The following PDE4D variants were observed in gnomAD, a reference collection of about 807,000 sequenced individuals.
PDE4D encodes phosphodiesterase 4D.
In PDE4D, 24 loss-of-function variants were observed where a neutral mutation model predicts 87.4. The observed-to-expected ratio is 0.27, with a 90% confidence interval of 0.20 to 0.39. PDE4D has a LOEUF of 0.39. PDE4D is among the 10% of genes least tolerant of loss of function. The pLI is 1.00. For missense variants in PDE4D, 714 were observed against 1,041.0 expected, an observed-to-expected ratio of 0.69 and a Z score of 4.32; for synonymous variants, 384 against 383.2, an observed-to-expected ratio of 1.00 and a Z score of -0.02.
chr5:59,925,109 A>G (rs1441141263), intron 3 of PDE4D, among the ~76,000 whole-genome samples: 1 of 143,764 alleles, frequency 7.0e-6, no homozygotes, highest in Non-Finnish European at 1.5e-5. Flanking sequence ...CAGGAGGCAG[A>G]GCTTGCAGTG....
intron 1 of PDE4D, among the ~76,000 whole-genome samples, chr5:59,628,072 T>TA (rs1296965245): frequency 3.2e-4 from 49 of 152,284 alleles, no homozygotes; most frequent in African/African-American, 1.1e-3. Context: ...ACAATTAAAA[T>TA]AAAAAATTGC....
chr5:59,662,487 A>G (rs1745416792), intron 1 of PDE4D, among the ~76,000 whole-genome samples: 1 of 152,188 alleles, frequency 6.6e-6, no homozygotes. Flanking sequence ...TCAGTTTCCC[A>G]CACGTATAAT....
intron 1 of PDE4D, among the ~76,000 whole-genome samples, chr5:59,308,557 G>C (rs574617237): frequency 7.8e-4 from 118 of 151,998 alleles, no homozygotes; most frequent in African/African-American, 2.8e-3. Flanking sequence ...TGAAGATAGG[G>C]CCCCAGTCCC....
chr5:60,041,550 A>G (rs1483002825), intron 2 of PDE4D, among the ~76,000 whole-genome samples: 1 of 152,228 alleles, frequency 6.6e-6, no homozygotes, highest in Non-Finnish European at 1.5e-5. Flanking sequence ...TGCAGCTCCC[A>G]GCGAGACCAA....
At chr5:59,528,688 G>T (rs1156455598) in intron 1 of PDE4D, among the ~76,000 whole-genome samples, 1 of 152,202 alleles carries the variant, frequency 6.6e-6, no homozygotes, top group Non-Finnish European at 1.5e-5. Flanking sequence ...ACAAAAGGAG[G>T]TTATGAGATA....
chr5:60,343,263 T>G (rs559100295), intron 1 of PDE4D, among the ~76,000 whole-genome samples: 1 of 152,180 alleles, frequency 6.6e-6, no homozygotes, highest in East Asian at 1.9e-4. Context: ...CAACGCAGGG[T>G]AGATGAGAAT....
At chr5:59,264,653 C>T (rs1762566994) in intron 1 of PDE4D, among the ~76,000 whole-genome samples, 1 of 151,972 alleles carries the variant, frequency 6.6e-6, no homozygotes, top group Admixed American at 6.6e-5. Flanking sequence ...TGGTGAACTC[C>T]ACCCTCAATC....
At chr5:59,057,213 A>G (rs1385630347) in intron 5 of PDE4D, among the ~76,000 whole-genome samples, 1 of 152,132 alleles carries the variant, frequency 6.6e-6, no homozygotes, top group African/African-American at 2.4e-5. Flanking sequence ...CCTTGAATGG[A>G]CCAAATGCTG....
At chr5:60,305,222 G>A (rs2149801941) in intron 1 of PDE4D, among the ~76,000 whole-genome samples, 1 of 152,154 alleles carries the variant, frequency 6.6e-6, no homozygotes, top group African/African-American at 2.4e-5. Context: ...AAGAAAACAG[G>A]ATGAAATGAA....
intron 1 of PDE4D, among the ~76,000 whole-genome samples, chr5:60,303,370 G>T (rs547838708): frequency 5.4e-5 from 8 of 148,010 alleles, no homozygotes; most frequent in African/African-American, 2.0e-4. Context: ...GTGCAGTGGC[G>T]CGATCTCGGC....
At position 60,176,809 on chromosome 5, in the gene PDE4D, G is replaced by T. The variant is rs536112026; in HGVS notation, c.42+8748C>A. Among the ~76,000 whole-genome samples, 6 of 152,220 alleles carry T rather than the reference G, an allele frequency of 3.9e-5. No homozygotes were observed. In the South Asian group the frequency reaches 1.0e-3, roughly 26 times the overall value. ...TCCAGTCTAAATGCCTTTGCATAAC[G>T]CTGTAAAAGGAGTTTTTTGTTGTGG... On this transcript the variant is annotated intron_variant, in intron 2 of 16. Transcript: ENST00000502484.
intron 1 of PDE4D, among the ~76,000 whole-genome samples, chr5:59,755,230 G>A: frequency 6.6e-6 from 1 of 152,086 alleles, no homozygotes; most frequent in East Asian, 1.9e-4. Context: ...TTTAAACAGA[G>A]AACAGACCTC....
intron 1 of PDE4D, among the ~76,000 whole-genome samples, chr5:59,288,607 A>G (rs991777250): frequency 2.6e-5 from 4 of 152,128 alleles, no homozygotes; most frequent in Non-Finnish European, 5.9e-5. Flanking sequence ...ATAAGGTTAT[A>G]GAACACCAAG....
At chr5:59,131,098 G>A (rs890556525) in intron 5 of PDE4D, among the ~76,000 whole-genome samples, 1 of 152,092 alleles carries the variant, frequency 6.6e-6, no homozygotes, top group East Asian at 1.9e-4. Context: ...TGTATTTCTA[G>A]AATATAAAAA....
At chr5:59,640,974 T>C (rs890543723) in intron 1 of PDE4D, among the ~76,000 whole-genome samples, 7 of 152,174 alleles carry the variant, frequency 4.6e-5, no homozygotes, top group African/African-American at 1.4e-4. Flanking sequence ...CAGAGATTTA[T>C]AGAAAATTTT....
intron 2 of PDE4D, among the ~76,000 whole-genome samples, chr5:60,168,644 C>T (rs186412008): frequency 1.1e-4 from 16 of 152,306 alleles, no homozygotes; most frequent in African/African-American, 3.1e-4. Context: ...ATGTAACCTA[C>T]GCACATCCTC....
intron 1 of PDE4D, among the ~76,000 whole-genome samples, chr5:59,786,453 G>A (rs183916339): frequency 1.1e-4 from 17 of 152,312 alleles, no homozygotes; most frequent in African/African-American, 3.8e-4. Flanking sequence ...TAACAGGGCT[G>A]CTCTACATCA....
chr5:60,266,103 G>A (rs1425149601), intron 1 of PDE4D, among the ~76,000 whole-genome samples: 1 of 152,072 alleles, frequency 6.6e-6, no homozygotes, highest in Non-Finnish European at 1.5e-5. Flanking sequence ...GCGGGAAGAA[G>A]GAGCAGACAT....
At chr5:59,754,035 G>T (rs564690392) in intron 1 of PDE4D, among the ~76,000 whole-genome samples, 15 of 152,176 alleles carry the variant, frequency 9.9e-5, no homozygotes, top group Admixed American at 8.5e-4. Flanking sequence ...TATGAATAAA[G>T]ATGTTCTTTT....
Sources: gnomAD v4.1 joint callset for allele counts (sites outside exome capture counted in the v4.1 genomes callset) on GRCh38, gnomAD v4.1.1 for gene constraint, MANE v1.5 for transcripts, NCBI Gene and HGNC (gene_info 2026-07-23, HGNC 2026-07-21) for gene names.